TBC1D22B: variants seen among roughly 807,000 people sequenced by gnomAD.
The protein encoded by TBC1D22B is TBC1 domain family member 22B.
A neutral mutation model predicts 69.1 loss-of-function variants in TBC1D22B; 32 were observed. The observed-to-expected ratio is 0.46, with a 90% CI of 0.35 to 0.62. The LOEUF (loss-of-function observed/expected upper bound fraction) is 0.62, where lower values mean the gene tolerates loss of function less well. TBC1D22B is among the 20% of genes least tolerant of loss of function. The pLI is 0.00. For synonymous variants in TBC1D22B, 206 were observed against 229.8 expected, an observed-to-expected ratio of 0.90 and a Z score of 0.94; for missense variants, 462 against 630.9, an observed-to-expected ratio of 0.73 and a Z score of 2.87.
At chr6:37,263,610 A>G (rs1240531184) in intron 1 of TBC1D22B, among the ~76,000 whole-genome samples, 1 of 152,056 alleles carries the variant, frequency 6.6e-6, no homozygotes, top group East Asian at 1.9e-4. Context: ...TTTGACATGG[A>G]GTCTTACTCT....
In TBC1D22B at chr6:37,291,189, G is replaced by A. The variant is rs1195123580; in HGVS notation, c.868-54G>A. 1.8e-5 allele frequency: 23 copies of A among 1,243,464 alleles called. No homozygotes were observed. In the East Asian group the frequency reaches 5.2e-4, roughly 28 times the overall value. The allele number at this position is 1,243,464 out of a possible 1,614,324, so 77.0% of individuals were successfully genotyped here. On this transcript the variant is annotated intron_variant, in intron 7 of 12. Transcript: ENST00000373491. ...TTGTGAAGTAGGTAAACGGAGGGAA[G>A]GAGTGTGTGTCCCCGTGATTTAACA...
chr6:37,271,014 A>G (rs1342493277), intron 2 of TBC1D22B, among the ~76,000 whole-genome samples: 1 of 152,218 alleles, frequency 6.6e-6, no homozygotes, highest in East Asian at 1.9e-4. Flanking sequence ...GTGTGATACT[A>G]TAAAAATGGT....
chr6:37,298,762 G>T (rs1446871793), intron 8 of TBC1D22B, among the ~76,000 whole-genome samples: 1 of 151,932 alleles, frequency 6.6e-6, no homozygotes, highest in Admixed American at 6.6e-5. Flanking sequence ...AGCCAGGATG[G>T]TCTCGATCTC....
chr6:37,257,958 C>G lies in TBC1D22B; in HGVS notation c.41C>G (p.Ala14Gly). Reference protein sequence around the residue: ...ENSKQFWKRSAKLPGSIQPVY... With the variant: ...ENSKQFWKRSGKLPGSIQPVY... ...AGCAAGCAGTTTTGGAAGAGGAGCG[C>G]TAAGCTGCCGGGGAGGTGAGCCCAG... The change falls in exon 1 of 13, where the codon GCT becomes GGT. Residue 14 changes from alanine to glycine, a missense_variant. By Grantham distance (60) the Ala-to-Gly change is moderately conservative. Transcript: ENST00000373491. The G allele has an allele frequency of 6.2e-7, 1 of 1,614,140 alleles. No homozygotes were observed.
rs559032547 is a variant in TBC1D22B, at chr6:37,289,572, T to A, written c.868-1671T>A. Among the ~76,000 whole-genome samples the A allele has an allele frequency of 7.9e-5, 12 of 152,276 alleles. No homozygotes were observed. The South Asian group carries it at 2.5e-3, about 32-fold the overall frequency. On this transcript the variant is annotated intron_variant, in intron 7 of 12. Coordinates refer to ENST00000373491, the MANE Select transcript of TBC1D22B (RefSeq NM_017772.4). ...CTAGCTTCCATGTACTTGGCCATTGTTACAGCCAGGCGCCAAGGATTTGAG... is the reference window on the plus strand; with the variant it reads ...CTAGCTTCCATGTACTTGGCCATTGATACAGCCAGGCGCCAAGGATTTGAG...
At chr6:37,273,909 A>G (rs1766583214) in intron 2 of TBC1D22B, among the ~76,000 whole-genome samples, 1 of 152,224 alleles carries the variant, frequency 6.6e-6, no homozygotes, top group South Asian at 2.1e-4. Context: ...TAGTTAATAC[A>G]CATTGCAGCA....
Position 37,327,457 on chromosome 6 carries a change from G to A in TBC1D22B, c.1390-3587G>A, listed in dbSNP as rs546983043. ...CGTGCCACTGCACTCCAGCCTGGGC[G>A]ACAGAGCCAGACTCCGACTCAAAAA... On this transcript the variant is annotated intron_variant, in intron 12 of 12. Coordinates refer to ENST00000373491, the MANE Select transcript of TBC1D22B (RefSeq NM_017772.4). 2.7e-3 allele frequency among the ~76,000 whole-genome samples: 247 copies of A among 92,652 alleles called. 33 individuals are homozygous for A. Among genetic ancestry groups the A allele is most frequent in the Middle Eastern group, 0.016 (1 of 64 alleles). 60.8% of individuals were successfully genotyped at this position (92,652 alleles called of 152,430 possible).
At chr6:37,308,396 G>A (rs1393276178) in intron 8 of TBC1D22B, among the ~76,000 whole-genome samples, 1 of 152,154 alleles carries the variant, frequency 6.6e-6, no homozygotes, top group Non-Finnish European at 1.5e-5. Context: ...ACTGCTTTTT[G>A]CTGGTGCACT....
chr6:37,313,123 C>T, intron 9 of TBC1D22B, 99 bp downstream of exon 9: 1 of 815,630 alleles, frequency 1.2e-6, no homozygotes, highest in Non-Finnish European at 2.1e-6. Flanking sequence ...GGCAGGACCA[C>T]CCACCCACCC....
chr6:37,281,067 C>G (rs1157523861), intron 3 of TBC1D22B, among the ~76,000 whole-genome samples: 1 of 152,236 alleles, frequency 6.6e-6, no homozygotes, highest in Non-Finnish European at 1.5e-5. Flanking sequence ...GTTGTGACTA[C>G]TACTTTTTAA....
At chr6:37,258,433 G>A (rs1379726216) in intron 1 of TBC1D22B, among the ~76,000 whole-genome samples, 6 of 152,112 alleles carry the variant, frequency 3.9e-5, no homozygotes, top group African/African-American at 1.4e-4. Context: ...GTGGGAGTTT[G>A]GGGCCGCCTG....
At chr6:37,278,562 C>T (rs1766733728) in intron 2 of TBC1D22B, among the ~76,000 whole-genome samples, 1 of 152,116 alleles carries the variant, frequency 6.6e-6, no homozygotes, top group South Asian at 2.1e-4. Context: ...GACATAGTTA[C>T]TGCTGCTCCA....
chr6:37,309,553 TC>T (rs1355440978), intron 8 of TBC1D22B, among the ~76,000 whole-genome samples: 1 of 152,144 alleles, frequency 6.6e-6, no homozygotes, highest in African/African-American at 2.4e-5. Flanking sequence ...TTCACTTTTT[TC>T]CAACGACCCT....
intron 1 of TBC1D22B, among the ~76,000 whole-genome samples, chr6:37,263,151 C>T (rs1213175089): frequency 1.3e-5 from 2 of 152,180 alleles, no homozygotes; most frequent in African/African-American, 4.8e-5. Context: ...GTGTCATGCT[C>T]TGCCAGGTGG....
At chr6:37,320,435 T>C (rs551324411) in intron 12 of TBC1D22B, among the ~76,000 whole-genome samples, 1 of 152,150 alleles carries the variant, frequency 6.6e-6, no homozygotes, top group South Asian at 2.1e-4. Context: ...TAGAATAGTG[T>C]ACTTGATATA....
chr6:37,270,659 G>A (rs1348279938), intron 2 of TBC1D22B, among the ~76,000 whole-genome samples: 1 of 152,030 alleles, frequency 6.6e-6, no homozygotes, highest in Non-Finnish European at 1.5e-5. Flanking sequence ...GAGGGGATAG[G>A]TCACCTTCAG....
At chr6:37,311,054 G>A (rs1767895200) in intron 8 of TBC1D22B, among the ~76,000 whole-genome samples, 1 of 151,914 alleles carries the variant, frequency 6.6e-6, no homozygotes, top group Non-Finnish European at 1.5e-5. Flanking sequence ...TTAATATTGT[G>A]GCATGCTTTT....
intron 10 of TBC1D22B, among the ~76,000 whole-genome samples, chr6:37,316,185 G>T (rs569485195): frequency 1.3e-5 from 2 of 152,244 alleles, no homozygotes; most frequent in South Asian, 4.1e-4. Context: ...ATATGGTGAA[G>T]CGCTTTCTGG....
intron 8 of TBC1D22B, among the ~76,000 whole-genome samples, chr6:37,298,690 C>T (rs568247589): frequency 1.3e-5 from 2 of 152,076 alleles, no homozygotes; most frequent in East Asian, 3.9e-4. Context: ...GGACTACAGG[C>T]GCCCGCCACC....
Sources: allele counts gnomAD v4.1 joint callset (sites outside exome capture counted in the v4.1 genomes callset), GRCh38; gene constraint gnomAD v4.1.1; transcripts MANE v1.5; gene names NCBI Gene and HGNC (gene_info 2026-07-23, HGNC 2026-07-21).